DLGAP2: variants seen among roughly 807,000 people sequenced by gnomAD.
The protein encoded by DLGAP2 is DLG associated protein 2, also known as disks large-associated protein 2.
In DLGAP2, 26 loss-of-function variants were observed where a neutral mutation model predicts 100.3. The ratio of observed to expected loss-of-function variants is 0.26; its 90% confidence interval spans 0.19 to 0.36. The LOEUF is 0.36. Ranked by LOEUF, DLGAP2 falls within the 10% of genes least tolerant of loss-of-function variation. The pLI, the probability that DLGAP2 is intolerant of heterozygous loss-of-function variation, is 1.00. For missense variants in DLGAP2, 1,858 were observed against 1,453.2 expected, an observed-to-expected ratio of 1.28 and a Z score of -4.53; for synonymous variants, 886 against 630.1, an observed-to-expected ratio of 1.41 and a Z score of -6.08.
At chr8:1,555,207 C>T (rs923174116) in intron 5 of DLGAP2, among the ~76,000 whole-genome samples, 1 of 152,154 alleles carries the variant, frequency 6.6e-6, no homozygotes, top group Non-Finnish European at 1.5e-5. Context: ...GACGCACAAC[C>T]CTGCACAATC....
At chr8:1,119,874 C>A (rs1382201930) in intron 2 of DLGAP2, among the ~76,000 whole-genome samples, 1 of 152,112 alleles carries the variant, frequency 6.6e-6, no homozygotes, top group Admixed American at 6.5e-5. Context: ...GGGTCCAGCA[C>A]CCTAGCTTAT....
In DLGAP2 at chr8:1,706,197, C is replaced by G. The variant is rs1799700236; in HGVS notation, c.*4791C>G. On this transcript the variant is annotated 3_prime_UTR_variant, in exon 15 of 15. Coordinates refer to ENST00000637795, the MANE Select transcript of DLGAP2 (RefSeq NM_001346810.2). Reference sequence around the variant, plus strand: ...ATGAAGGAGATATTGCTAGGAATCTCTAGGCTGTTAGGCAACCTGGCTTTT... The same window carrying G: ...ATGAAGGAGATATTGCTAGGAATCTGTAGGCTGTTAGGCAACCTGGCTTTT... 1 of 152,256 alleles carries G rather than the reference C, an allele frequency of 6.6e-6. No individual in the cohort carries two copies. Among genetic ancestry groups the G allele is most frequent in the African/African-American group, 2.4e-5 (1 of 41,476 alleles). The allele number at this position is 152,256 out of a possible 1,614,324, so 9.4% of individuals were successfully genotyped here. A position where few individuals can be genotyped will look rare whatever the true frequency, so the allele number is the denominator to read the frequency against.
At chr8:1,026,257 C>G (rs548348824) in intron 2 of DLGAP2, among the ~76,000 whole-genome samples, 9 of 152,334 alleles carry the variant, frequency 5.9e-5, no homozygotes, top group Admixed American at 3.3e-4. Flanking sequence ...CTTCTCTGCA[C>G]CAGACCCTCT....
chr8:937,596 G>T (rs1187550730), intron 2 of DLGAP2, among the ~76,000 whole-genome samples: 1 of 152,194 alleles, frequency 6.6e-6, no homozygotes, highest in Non-Finnish European at 1.5e-5. Flanking sequence ...CCCTGGAGTT[G>T]CTTGGGGCTG....
At chr8:1,673,658 C>T (rs1261216382) in intron 10 of DLGAP2, among the ~76,000 whole-genome samples, 1 of 152,224 alleles carries the variant, frequency 6.6e-6, no homozygotes, top group African/African-American at 2.4e-5. Context: ...CTACTTGAGT[C>T]AGGCCTCAGG....
chr8:1,189,656 G>A (rs62489009), intron 2 of DLGAP2, among the ~76,000 whole-genome samples: 24,601 of 152,190 alleles, frequency 0.16, 2,144 homozygotes, highest in East Asian at 0.39. Flanking sequence ...GCCTGGAAAC[G>A]GGATGGATCA....
intron 4 of DLGAP2, among the ~76,000 whole-genome samples, chr8:1,513,767 G>A (rs1484426928): frequency 2.6e-5 from 4 of 152,150 alleles, no homozygotes; most frequent in Non-Finnish European, 5.9e-5. Context: ...ATAATACAGA[G>A]AAATCCTGGG....
chr8:1,583,622 T>C (rs1197434315), intron 6 of DLGAP2, among the ~76,000 whole-genome samples: 1 of 152,208 alleles, frequency 6.6e-6, no homozygotes, highest in Non-Finnish European at 1.5e-5. Flanking sequence ...CCTGTGTTTC[T>C]AAGCCCAGCA....
intron 1 of DLGAP2, among the ~76,000 whole-genome samples, chr8:832,728 G>A (rs1460198350): frequency 6.6e-6 from 1 of 152,200 alleles, no homozygotes; most frequent in East Asian, 1.9e-4. Context: ...GAGCACAACT[G>A]TGTTTGTGTA....
intron 2 of DLGAP2, among the ~76,000 whole-genome samples, chr8:1,148,690 A>G (rs913354044): frequency 6.6e-6 from 1 of 152,202 alleles, no homozygotes; most frequent in African/African-American, 2.4e-5. Context: ...TTTTAGAAGT[A>G]TATTTCTTAA....
chr8:826,930 TTC>T (rs1796694766), intron 1 of DLGAP2, among the ~76,000 whole-genome samples: 1 of 152,224 alleles, frequency 6.6e-6, no homozygotes, highest in Non-Finnish European at 1.5e-5. Context: ...AGTCTTTCCA[TTC>T]TCTCTCACTA....
chr8:1,332,602 G>T (rs73670762), intron 3 of DLGAP2, among the ~76,000 whole-genome samples: 2,396 of 152,262 alleles, frequency 0.016, 78 homozygotes, highest in African/African-American at 0.054. Context: ...CACATGCCCT[G>T]AGAAGCACAC....
chr8:1,275,005 C>G (rs996476340), intron 3 of DLGAP2, among the ~76,000 whole-genome samples: 3 of 152,114 alleles, frequency 2.0e-5, no homozygotes, highest in African/African-American at 7.2e-5. Context: ...ATTCACTTCC[C>G]TGTTTATTGC....
chr8:1,696,617 C>T (rs533371100), intron 13 of DLGAP2, among the ~76,000 whole-genome samples: 39 of 152,358 alleles, frequency 2.6e-4, no homozygotes, highest in Non-Finnish European at 4.9e-4. Context: ...AGCAGCGTCA[C>T]CTGTGCCTCC....
chr8:824,682 C>T (rs1259405336), intron 1 of DLGAP2, among the ~76,000 whole-genome samples: 6 of 152,094 alleles, frequency 3.9e-5, no homozygotes, highest in Admixed American at 3.9e-4. Context: ...CACTGCCATC[C>T]TCTGCAAGCT....
chr8:1,080,316 G>T (rs940476919), intron 2 of DLGAP2, among the ~76,000 whole-genome samples: 2 of 152,236 alleles, frequency 1.3e-5, no homozygotes, highest in Non-Finnish European at 2.9e-5. Flanking sequence ...TCCTCCGGGG[G>T]GCCGGCCTTT....
At chr8:1,686,918 T>C (rs1267129922) in intron 12 of DLGAP2, among the ~76,000 whole-genome samples, 1 of 152,178 alleles carries the variant, frequency 6.6e-6, no homozygotes, top group East Asian at 1.9e-4. Flanking sequence ...GTGATGCACG[T>C]CCCAGTCATC....
chr8:845,439 C>A (rs1053924638), intron 1 of DLGAP2, among the ~76,000 whole-genome samples: 2 of 152,152 alleles, frequency 1.3e-5, no homozygotes, highest in African/African-American at 4.8e-5. Context: ...TTTCCATGTG[C>A]TTGTTGGCTG....
intron 2 of DLGAP2, among the ~76,000 whole-genome samples, chr8:1,225,260 G>C (rs919987572): frequency 1.3e-5 from 2 of 152,166 alleles, no homozygotes; most frequent in Admixed American, 6.5e-5. Flanking sequence ...CACGAGTGAG[G>C]GATTGGTAGA....
Sources: gnomAD v4.1 joint callset for allele counts (sites outside exome capture counted in the v4.1 genomes callset) on GRCh38, gnomAD v4.1.1 for gene constraint, MANE v1.5 for transcripts, NCBI Gene and HGNC (gene_info 2026-07-23, HGNC 2026-07-21) for gene names.